The following SPAG9 variants were observed in gnomAD, a reference collection of about 807,000 sequenced individuals.
SPAG9 encodes C-Jun-amino-terminal kinase-interacting protein 4.
SPAG9 carries 35 observed loss-of-function variants against 166.5 expected under a neutral mutation model. That is an observed-to-expected ratio of 0.21 (90% CI 0.16 to 0.28). The LOEUF (loss-of-function observed/expected upper bound fraction) is 0.28, where lower values mean the gene tolerates loss of function less well. Ranked by LOEUF, SPAG9 falls within the 10% of genes least tolerant of loss-of-function variation. The probability of loss-of-function intolerance (pLI) is 1.00; values close to 1 mark genes in which losing one functional copy is unlikely to be tolerated. For synonymous variants in SPAG9, 534 were observed against 565.5 expected, an observed-to-expected ratio of 0.94 and a Z score of 0.79; for missense variants, 1,235 against 1,603.3, an observed-to-expected ratio of 0.77 and a Z score of 3.92.
intron 2 of SPAG9, 107 bp from the exon 3 acceptor site, chr17:51,056,589 A>G: frequency 1.5e-6 from 1 of 688,790 alleles, no homozygotes; most frequent in African/African-American, 1.8e-5. Context: ...CAACTTTCAG[A>G]CTCAGTGTTC....
At chr17:50,978,755 G>A (rs1974368981) in intron 26 of SPAG9, among the ~76,000 whole-genome samples, 1 of 152,134 alleles carries the variant, frequency 6.6e-6, no homozygotes, top group South Asian at 2.1e-4. Flanking sequence ...CCCTGAAATG[G>A]GAAGGAGCTT....
rs930486407 is a variant in SPAG9 at position 51,088,921 on chromosome 17, C to T, written c.304-9217G>A. On this transcript the variant is annotated intron_variant, in intron 1 of 29. Coordinates refer to ENST00000262013, the MANE Select transcript of SPAG9 (RefSeq NM_001130528.3). ...CACTCTGGCCAACATGGTGCAACCC[C>T]GCATCTACTAAAAATACTAAAATTA... Among the ~76,000 whole-genome samples, 8 of 150,924 alleles carry T rather than the reference C, an allele frequency of 5.3e-5. No individual in the cohort carries two copies. The South Asian group carries it at 8.4e-4, about 16-fold the overall frequency.
intron 28 of SPAG9, among the ~76,000 whole-genome samples, chr17:50,972,566 T>C (rs1028167407): frequency 1.3e-5 from 2 of 152,222 alleles, no homozygotes; most frequent in African/African-American, 4.8e-5. Flanking sequence ...CCAACCCTCT[T>C]AGCAAGATTT....
intron 25 of SPAG9, among the ~76,000 whole-genome samples, chr17:50,981,481 TAAAG>T (rs775311922): frequency 3.2e-4 from 40 of 124,652 alleles, no homozygotes; most frequent in African/African-American, 1.2e-3. Flanking sequence ...GATACACAGA[TAAAG>T]ATAGATAGAT....
intron 2 of SPAG9, among the ~76,000 whole-genome samples, chr17:51,065,504 C>T (rs1236920034): frequency 6.6e-6 from 1 of 152,076 alleles, no homozygotes; most frequent in African/African-American, 2.4e-5. Flanking sequence ...TTAAAATGTC[C>T]TTCTCTTCTC....
chr17:51,058,554 T>C (rs1300153648), intron 2 of SPAG9, among the ~76,000 whole-genome samples: 7 of 152,240 alleles, frequency 4.6e-5, no homozygotes, highest in Non-Finnish European at 7.3e-5. Flanking sequence ...GTTTTGTATA[T>C]TGGAGTTTAC....
At chr17:51,110,595 G>T (rs958157839) in intron 1 of SPAG9, among the ~76,000 whole-genome samples, 1 of 151,954 alleles carries the variant, frequency 6.6e-6, no homozygotes, top group South Asian at 2.1e-4. Context: ...AGGCTGAGAC[G>T]GAAGGATGGC....
At chr17:51,098,574 C>T (rs902832069) in intron 1 of SPAG9, among the ~76,000 whole-genome samples, 8 of 151,672 alleles carry the variant, frequency 5.3e-5, no homozygotes, top group Non-Finnish European at 8.8e-5. Flanking sequence ...CTCACTGCAA[C>T]GTCTGCCTCC....
chr17:51,107,166 T>C (rs1399287462), intron 1 of SPAG9, among the ~76,000 whole-genome samples: 1 of 151,956 alleles, frequency 6.6e-6, no homozygotes, highest in Non-Finnish European at 1.5e-5. Context: ...TCTAAGCATC[T>C]ATGTTTCTGT....
At chr17:50,987,920 A>C (rs1354649665) in intron 21 of SPAG9, among the ~76,000 whole-genome samples, 1 of 152,248 alleles carries the variant, frequency 6.6e-6, no homozygotes, top group African/African-American at 2.4e-5. Context: ...ACTTATTCTT[A>C]AATTAATAAT....
intron 1 of SPAG9, among the ~76,000 whole-genome samples, chr17:51,112,242 C>A (rs2049134026): frequency 2.6e-5 from 4 of 151,862 alleles, no homozygotes; most frequent in African/African-American, 9.7e-5. Flanking sequence ...TTATTCGAAT[C>A]GTTAACCATG....
At chr17:51,003,490 AC>A (rs1408177117) in intron 12 of SPAG9, among the ~76,000 whole-genome samples, 1 of 152,148 alleles carries the variant, frequency 6.6e-6, no homozygotes, top group Admixed American at 6.5e-5. Context: ...TAAACTTATT[AC>A]CTAGTTACCA....
Position 51,021,182 on chromosome 17 carries a change from G to T in SPAG9, c.967C>A (p.Gln323Lys). 6.2e-7 allele frequency: 1 copy of T among 1,613,856 alleles called. No individual in the cohort carries two copies. The highest frequency in any genetic ancestry group is 8.5e-7 in the Non-Finnish European group (1 of 1,179,908). ...ISKHIEVQVA[Q>K]ETRNVSTGSA... ...CCAGTAGATACATTTCTAGTTTCCT[G>T]GGCTACCTGTACTTCAATGTGTTTG... Residue 323 changes from glutamine to lysine, a missense_variant, in exon 7 of 30, where the codon CAG becomes AAG. By Grantham distance (53) the Gln-to-Lys change is moderately conservative. Transcript: ENST00000262013.
At chr17:50,989,223 C>T (rs1975330087) in intron 21 of SPAG9, among the ~76,000 whole-genome samples, 1 of 152,190 alleles carries the variant, frequency 6.6e-6, no homozygotes, top group Non-Finnish European at 1.5e-5. Context: ...TACACAAATA[C>T]TTACCGTTAT....
chr17:51,096,225 T>TG (rs1294880539), intron 1 of SPAG9, among the ~76,000 whole-genome samples: 1 of 151,352 alleles, frequency 6.6e-6, no homozygotes, highest in Non-Finnish European at 1.5e-5. Context: ...GGCATGCACT[T>TG]GTAGTCCCAG....
Position 51,120,827 on chromosome 17 carries a change from G to A in SPAG9, c.-171C>T. The A allele has an allele frequency of 2.2e-6, 1 of 446,494 alleles. No homozygotes were observed. Among genetic ancestry groups the A allele is most frequent in the Non-Finnish European group, 3.8e-6 (1 of 263,644 alleles). The allele number at this position is 446,494 out of a possible 1,614,324, so 27.7% of individuals were successfully genotyped here. ...GCCGGGGCCGGAGGAGGGGAGGGGT[G>A]GCGTAGGCGCTCTCACCCCAACCGC... On this transcript the variant is annotated 5_prime_UTR_variant, in exon 1 of 30. Transcript: ENST00000262013. This position sits in a 1 kb window ranked among gnomAD's most constrained non-coding sequence, Gnocchi z 4.7.
intron 10 of SPAG9, among the ~76,000 whole-genome samples, chr17:51,006,626 G>T (rs989250563): frequency 2.0e-5 from 3 of 152,146 alleles, no homozygotes; most frequent in Non-Finnish European, 2.9e-5. Context: ...GACAGTCTAC[G>T]CTGAAGAAAA....
At chr17:51,097,345 T>C (rs2048674859) in intron 1 of SPAG9, among the ~76,000 whole-genome samples, 1 of 152,148 alleles carries the variant, frequency 6.6e-6, no homozygotes, top group African/African-American at 2.4e-5. Context: ...CCCCAGTTTA[T>C]AGCCAGTTGA....
chr17:51,020,689 G>C (rs2045906163), intron 7 of SPAG9, among the ~76,000 whole-genome samples: 1 of 152,124 alleles, frequency 6.6e-6, no homozygotes, highest in Admixed American at 6.6e-5. Context: ...CCTCTTTTAA[G>C]CTTATTTACA....
Sources: gnomAD v4.1 joint callset for allele counts (sites outside exome capture counted in the v4.1 genomes callset) on GRCh38, gnomAD v4.1.1 for gene constraint, Gnocchi (gnomAD v3.1) non-coding constraint, MANE v1.5 for transcripts, NCBI Gene and HGNC (gene_info 2026-07-23, HGNC 2026-07-21) for gene names.